Variants in CAMKMT observed in about 807,000 individuals in gnomAD.
CAMKMT encodes CaM KMT.
A neutral mutation model predicts 48.0 loss-of-function variants in CAMKMT; 53 were observed. The observed-to-expected ratio is 1.10, with a 90% CI of 0.89 to 1.39. The LOEUF is 1.39. Among genes scored for constraint, CAMKMT ranks in the 40% most tolerant of loss-of-function variants. CAMKMT has a pLI of 0.00. For missense variants in CAMKMT, 428 were observed against 402.7 expected, an observed-to-expected ratio of 1.06 and a Z score of -0.54; for synonymous variants, 165 against 152.3, an observed-to-expected ratio of 1.08 and a Z score of -0.61.
intron 3 of CAMKMT, among the ~76,000 whole-genome samples, chr2:44,599,588 G>T (rs1368067889): frequency 6.6e-6 from 1 of 151,940 alleles, no homozygotes; most frequent in African/African-American, 2.4e-5. Context: ...TAAATTTAAA[G>T]ATCAATCTAT....
At position 44,618,492 on chromosome 2, in the gene CAMKMT, G is replaced by C. The variant is rs1672013500; in HGVS notation, c.377-85791G>C. Among the ~76,000 whole-genome samples the C allele has an allele frequency of 1.3e-5, 2 of 152,198 alleles. No homozygotes were observed. Among genetic ancestry groups the C allele is most frequent in the Admixed American group, 1.3e-4 (2 of 15,292 alleles). The stretch of plus-strand genomic sequence containing the variant: ...TTTGCTTTAGGTCGAAGGCTTTTCA[G>C]ACTGCGATGAGATGACATTGATGAT... On this transcript the variant is annotated intron_variant, in intron 3 of 10. Coordinates refer to ENST00000378494, the MANE Select transcript of CAMKMT (RefSeq NM_024766.5). This position sits in a 1 kb window ranked among gnomAD's most constrained non-coding sequence, Gnocchi z 4.0.
intron 3 of CAMKMT, among the ~76,000 whole-genome samples, chr2:44,537,589 G>A (rs1666847134): frequency 6.6e-6 from 1 of 151,960 alleles, no homozygotes; most frequent in Admixed American, 6.6e-5. Flanking sequence ...TTCTGAGACA[G>A]GATCTCATTT....
At position 44,499,134 on chromosome 2, in the gene CAMKMT, G is replaced by C. The variant is rs546841264; in HGVS notation, c.376+108829G>C. Among the ~76,000 whole-genome samples the C allele has an allele frequency of 6.6e-5, 10 of 152,240 alleles. No individual in the cohort carries two copies. The South Asian group carries it at 2.1e-3, about 32-fold the overall frequency. ...AAAATGAATTATTTGATTTCTGTAA[G>C]AAAATAGAATACATCTAATCATTTA... is the stretch of plus-strand genomic sequence containing the variant. On this transcript the variant is annotated intron_variant, in intron 3 of 10. Coordinates refer to ENST00000378494, the MANE Select transcript of CAMKMT (RefSeq NM_024766.5).
chr2:44,409,197 A>C, intron 3 of CAMKMT, among the ~76,000 whole-genome samples: 3 of 115,996 alleles, frequency 2.6e-5, no homozygotes, highest in Non-Finnish European at 3.8e-5. Context: ...ATTGCTACAT[A>C]AAGACAACTA....
intron 3 of CAMKMT, among the ~76,000 whole-genome samples, chr2:44,534,633 C>G (rs1445534896): frequency 6.6e-6 from 1 of 152,022 alleles, no homozygotes; most frequent in Non-Finnish European, 1.5e-5. Flanking sequence ...CCTGAATGAC[C>G]ATTGACTAAA....
At chr2:44,656,624 G>A (rs1674391820) in intron 3 of CAMKMT, among the ~76,000 whole-genome samples, 1 of 151,966 alleles carries the variant, frequency 6.6e-6, no homozygotes, top group South Asian at 2.1e-4. Context: ...TATGACAGTC[G>A]CTCTGTTTCA....
chr2:44,390,856 G>T (rs780397225), intron 3 of CAMKMT, among the ~76,000 whole-genome samples: 3 of 152,096 alleles, frequency 2.0e-5, no homozygotes, highest in Non-Finnish European at 4.4e-5. Context: ...ATTGGTGATA[G>T]ATTTGTCCAC....
intron 3 of CAMKMT, among the ~76,000 whole-genome samples, chr2:44,410,801 A>G (rs1031679579): frequency 7.9e-5 from 12 of 152,230 alleles, no homozygotes; most frequent in African/African-American, 2.4e-4. Flanking sequence ...GAGATTAAAG[A>G]GTTTTAAGAG....
chr2:44,532,880 A>G (rs1666566107), intron 3 of CAMKMT, among the ~76,000 whole-genome samples: 1 of 150,672 alleles, frequency 6.6e-6, no homozygotes, highest in Admixed American at 6.6e-5. Context: ...TGGTGTGATC[A>G]CAGCTCACTG....
At chr2:44,715,245 C>CTTTTTTT (rs1678114382) in intron 6 of CAMKMT, 42 bp from the exon 7 acceptor site, 1 of 1,367,672 alleles carries the variant, frequency 7.3e-7, no homozygotes, top group Non-Finnish European at 1.0e-6. Context: ...TTTTTGGTCA[C>CTTTTTTT]TTCACAATCA....
chr2:44,408,306 G>C (rs2104467160), intron 3 of CAMKMT, among the ~76,000 whole-genome samples: 1 of 152,094 alleles, frequency 6.6e-6, no homozygotes, highest in African/African-American at 2.4e-5. Flanking sequence ...TTACAGGCGT[G>C]AGCCACCGCG....
intron 3 of CAMKMT, among the ~76,000 whole-genome samples, chr2:44,480,499 C>T (rs1371667957): frequency 6.6e-6 from 1 of 152,032 alleles, no homozygotes; most frequent in Non-Finnish European, 1.5e-5. Context: ...TTAAGCCTAT[C>T]TCTAGAAATG....
chr2:44,625,722 TC>T (rs1369538299), intron 3 of CAMKMT, among the ~76,000 whole-genome samples: 3 of 152,170 alleles, frequency 2.0e-5, no homozygotes, highest in Non-Finnish European at 4.4e-5. Flanking sequence ...TCATTTTTTT[TC>T]CGTACCGATA....
At chr2:44,584,779 G>C (rs1328900515) in intron 3 of CAMKMT, among the ~76,000 whole-genome samples, 1 of 152,136 alleles carries the variant, frequency 6.6e-6, no homozygotes, top group Non-Finnish European at 1.5e-5. Flanking sequence ...AGTAGGCCGG[G>C]TGCGGTGGCT....
intron 9 of CAMKMT, among the ~76,000 whole-genome samples, chr2:44,765,716 AT>A (rs1255117158): frequency 6.6e-6 from 1 of 152,110 alleles, no homozygotes; most frequent in African/African-American, 2.4e-5. Flanking sequence ...ATCACATAAG[AT>A]TGTGTGGATT....
rs542593619 is a variant in CAMKMT, at chr2:44,404,901, A to C, written c.376+14596A>C. On this transcript the variant is annotated intron_variant, in intron 3 of 10. Transcript: ENST00000378494. ...AAAAAGATGTTATGTATAATATTAA[A>C]GAGAATATAAATGCTGGTGGTTACT... is the stretch of plus-strand genomic sequence containing the variant. Among the ~76,000 whole-genome samples, 3 of 152,220 alleles carry C rather than the reference A, an allele frequency of 2.0e-5. No individual in the cohort carries two copies. In the South Asian group the frequency reaches 6.2e-4, roughly 32 times the overall value.
chr2:44,497,710 A>AGC (rs1491285768), intron 3 of CAMKMT, among the ~76,000 whole-genome samples: 9 of 18,674 alleles, frequency 4.8e-4, no homozygotes, highest in Non-Finnish European at 2.9e-4. Flanking sequence ...AAGCAGGCAA[A>AGC]GAGAGAGAGA....
chr2:44,705,521 T>C, intron 4 of CAMKMT: 1 of 985,404 alleles, frequency 1.0e-6, no homozygotes, highest in Non-Finnish European at 1.2e-6. Flanking sequence ...GGCTGATATT[T>C]AGGCACAAAG....
intron 3 of CAMKMT, among the ~76,000 whole-genome samples, chr2:44,649,472 ATAC>A: frequency 6.6e-6 from 1 of 152,226 alleles, no homozygotes; most frequent in South Asian, 2.1e-4. Flanking sequence ...GCAGAAAAAC[ATAC>A]TGAGGTCAGT....
Sources: gnomAD v4.1 joint callset for allele counts (sites outside exome capture counted in the v4.1 genomes callset) on GRCh38, gnomAD v4.1.1 for gene constraint, Gnocchi (gnomAD v3.1) non-coding constraint, MANE v1.5 for transcripts, NCBI Gene and HGNC (gene_info 2026-07-23, HGNC 2026-07-21) for gene names.